The following RCC1L variants were observed in gnomAD, a reference collection of about 807,000 sequenced individuals.
The protein encoded by RCC1L is RCC1 like.
In RCC1L, 46 loss-of-function variants were observed where a neutral mutation model predicts 58.6. The observed-to-expected ratio is 0.79, with a 90% CI of 0.62 to 1.00. RCC1L has a LOEUF of 1.00. Among genes scored for constraint, RCC1L ranks in the 50% least tolerant of loss-of-function variants. The probability of loss-of-function intolerance (pLI) is 0.00; values close to 1 mark genes in which losing one functional copy is unlikely to be tolerated. For synonymous variants in RCC1L, 281 were observed against 262.9 expected (o/e 1.07, Z -0.67); for missense variants, 636 against 623.6 (o/e 1.02, Z -0.21).
At chr7:75,066,871 A>G in intron 2 of RCC1L, 79 bp from the exon 3 acceptor site, 1 of 1,495,220 alleles carries the variant, frequency 6.7e-7, no homozygotes, top group South Asian at 1.3e-5. Flanking sequence ...ACGCTACTAC[A>G]CTGGAAAAAA....
chr7:75,072,629 A>G (rs1806805913), intron 1 of RCC1L, among the ~76,000 whole-genome samples: 1 of 152,154 alleles, frequency 6.6e-6, no homozygotes. Flanking sequence ...ACCCGATGAG[A>G]AAACCGGGGC....
intron 10 of RCC1L, among the ~76,000 whole-genome samples, chr7:75,046,036 G>A (rs1262659539): frequency 6.6e-6 from 1 of 152,228 alleles, no homozygotes; most frequent in African/African-American, 2.4e-5. Flanking sequence ...TAATCCAGAT[G>A]GCCTGGCCCT....
At chr7:75,038,082 C>G (rs1008754098), downstream of RCC1L, among the ~76,000 whole-genome samples, 1 of 152,164 alleles carries the variant, frequency 6.6e-6, no homozygotes, top group Non-Finnish European at 1.5e-5. Flanking sequence ...GCCTGGTGCA[C>G]GATCACAGGC....
At chr7:75,066,939 C>A in intron 2 of RCC1L, 147 bp from the exon 3 acceptor site, 2 of 1,099,030 alleles carry the variant, frequency 1.8e-6, no homozygotes, top group Non-Finnish European at 2.4e-6. Flanking sequence ...AGAGCAAGGA[C>A]CAGAAGCCCA....
chr7:75,064,711 C>T, intron 3 of RCC1L, 63 bp from the exon 4 acceptor site: 2 of 1,576,160 alleles, frequency 1.3e-6, no homozygotes, highest in South Asian at 2.2e-5. Context: ...AATGTGAGGA[C>T]TGGAAGGGGT....
In RCC1L at chr7:75,056,641, C is replaced by T. The variant is rs1806090306; in HGVS notation, c.1058-567G>A. On this transcript the variant is annotated intron_variant, in intron 8 of 10. Coordinates refer to ENST00000610322, the MANE Select transcript of RCC1L (RefSeq NM_030798.5). ...GAAGGCAGAGCTGGAGTCTCTCTGG[C>T]CCAGGCTAAGGGAGGGGAATGAAGT... The T allele has an allele frequency of 1.4e-5, 21 of 1,535,362 alleles. No homozygotes were observed. In the South Asian group the frequency reaches 2.5e-4, roughly 18 times the overall value.
intron 10 of RCC1L, chr7:75,028,084 C>A: frequency 1.3e-6 from 2 of 1,511,550 alleles, no homozygotes; most frequent in Non-Finnish European, 8.8e-7. Flanking sequence ...AGGTGCCTGG[C>A]GGGGGAGGAA....
chr7:75,039,144 A>G (rs1805490784), downstream of RCC1L, among the ~76,000 whole-genome samples: 1 of 152,206 alleles, frequency 6.6e-6, no homozygotes, highest in Admixed American at 6.5e-5. Flanking sequence ...CTGGCCTCCC[A>G]TAACAGGTTA....
chr7:75,065,844 C>T lies in RCC1L; in HGVS notation c.583+820G>A, dbSNP rs587737958. Among the ~76,000 whole-genome samples, 20 of 151,766 alleles carry T rather than the reference C, an allele frequency of 1.3e-4. No homozygotes were observed. The South Asian group carries it at 3.7e-3, about 28-fold the overall frequency. ...ACCAGCCTGGCCAATGTGGTGAAAC[C>T]CCGTCTCTACAAAAAATACAAAAAT... On this transcript the variant is annotated intron_variant, in intron 3 of 10. Coordinates refer to ENST00000610322, the MANE Select transcript of RCC1L (RefSeq NM_030798.5).
intron 2 of RCC1L, 78 bp from the exon 3 acceptor site, chr7:75,066,870 C>T (rs587627993): frequency 6.7e-7 from 1 of 1,497,916 alleles, no homozygotes; most frequent in South Asian, 1.3e-5. Context: ...CACGCTACTA[C>T]ACTGGAAAAA....
chr7:75,064,554 G>C, intron 4 of RCC1L, 28 bp downstream of exon 4: 1 of 1,612,812 alleles, frequency 6.2e-7, no homozygotes, highest in African/African-American at 1.3e-5. Context: ...ACTCAACATG[G>C]GGAAGGGTAG....
rs1270804530 is a variant in RCC1L, at chr7:75,055,630, ACCG to A, written c.1231+268_1231+270del. The A allele has an allele frequency of 6.2e-5, 30 of 481,180 alleles. No homozygotes were observed. The East Asian group carries it at 1.1e-3, about 18-fold the overall frequency. 29.8% of individuals were successfully genotyped at this position (481,180 alleles called of 1,614,324 possible). ...CGTACTAGCAATGCCCCTTCCTACC[ACCG>A]ACGGGTGCTCTCTTGAGAAAATGCA... On this transcript the variant is annotated intron_variant, in intron 9 of 10. Transcript: ENST00000610322.
rs180894165 is a variant in RCC1L at position 75,067,856 on chromosome 7, C to G, written c.455-1064G>C. On this transcript the variant is annotated intron_variant, in intron 2 of 10. Coordinates refer to ENST00000610322, the MANE Select transcript of RCC1L (RefSeq NM_030798.5). ...CAAGACCCTGTCTCCCCTTACCCCCCCAAAAAATTAAACTGTTGGAATTTG... is the reference window on the plus strand; with the variant it reads ...CAAGACCCTGTCTCCCCTTACCCCCGCAAAAAATTAAACTGTTGGAATTTG... 4.0e-5 allele frequency among the ~76,000 whole-genome samples: 6 copies of G among 151,682 alleles called. No homozygotes were observed. The South Asian group carries it at 8.3e-4, about 21-fold the overall frequency.
At chr7:75,070,852 C>G in intron 1 of RCC1L, 83 bp from the exon 2 acceptor site, 1 of 1,559,432 alleles carries the variant, frequency 6.4e-7, no homozygotes, top group Non-Finnish European at 8.7e-7. Context: ...TTTATCAAAT[C>G]CAAGAACACA....
At chr7:75,062,151 G>A (rs1256807188) in intron 5 of RCC1L, among the ~76,000 whole-genome samples, 6 of 122,646 alleles carry the variant, frequency 4.9e-5, no homozygotes, top group Admixed American at 1.0e-4. Context: ...TTGTGCCACT[G>A]CACTAAAATA....
intron 9 of RCC1L, among the ~76,000 whole-genome samples, chr7:75,054,268 A>G (rs1806010573): frequency 1.3e-5 from 2 of 152,166 alleles, no homozygotes; most frequent in Non-Finnish European, 2.9e-5. Context: ...ACCACAGGAT[A>G]AACCAACCAA....
At chr7:75,059,187 C>CAAAAAAAAA (rs71278503) in intron 6 of RCC1L, among the ~76,000 whole-genome samples, 3 of 77,972 alleles carry the variant, frequency 3.8e-5, no homozygotes, top group Admixed American at 1.5e-4. Flanking sequence ...ATGAGACTCT[C>CAAAAAAAAA]AAAAAAAAAA....
chr7:75,073,599 C>T lies in RCC1L; in HGVS notation c.139G>A (p.Val47Met), dbSNP rs781983045. 13 of 1,528,362 alleles carry T rather than the reference C, an allele frequency of 8.5e-6. No homozygotes were observed. Among genetic ancestry groups the T allele is most frequent in the East Asian group, 2.7e-5 (1 of 37,584 alleles). 94.7% of individuals were successfully genotyped at this position (1,528,362 alleles called of 1,614,324 possible). A position where few individuals can be genotyped will look rare whatever the true frequency, so the allele number is the denominator to read the frequency against. ...GCGCGCTCGCCCACGTACTGGACCA[C>T]GGGCACCTCCGCCTCGGCTTCTGCC... ...EAAEAEAEVP[V>M]VQYVGERAAR... The change falls in exon 1 of 11, where the codon GTG (valine) becomes ATG (methionine). Residue 47 changes from valine to methionine, a missense_variant. Transcript: ENST00000610322.
At chr7:75,037,432 G>A (rs1020796618), downstream of RCC1L, among the ~76,000 whole-genome samples, 17 of 151,654 alleles carry the variant, frequency 1.1e-4, no homozygotes, top group South Asian at 4.2e-4. Flanking sequence ...CAGGTGATCC[G>A]TCCGCCTCGG....
Sources: allele counts gnomAD v4.1 joint callset (sites outside exome capture counted in the v4.1 genomes callset), GRCh38; gene constraint gnomAD v4.1.1; transcripts MANE v1.5; gene names NCBI Gene and HGNC (gene_info 2026-07-23, HGNC 2026-07-21).